The following SAMD11 variants were observed in gnomAD, a reference collection of about 807,000 sequenced individuals.
SAMD11 encodes the protein sterile alpha motif domain containing 11, also known as sterile alpha motif domain-containing protein 11.
In SAMD11, 77 loss-of-function variants were observed where a neutral mutation model predicts 64.4. That is an observed-to-expected ratio of 1.20 (90% CI 0.99 to 1.44). The LOEUF (loss-of-function observed/expected upper bound fraction) is 1.44. SAMD11 is among the 40% of genes most tolerant of loss of function. SAMD11 has a pLI of 0.00. For synonymous variants in SAMD11, 658 were observed against 421.9 expected (o/e 1.56, Z -6.86); for missense variants, 1,402 against 943.3 (o/e 1.49, Z -6.37).
In SAMD11 at chr1:944,532, A is replaced by C; in HGVS notation, c.*379A>C. ...CCAGCCCAGCCCAGCCCAGCTCTCG[A>C]TACGTTTGGTCTTTCATGCTGAAAA... On this transcript the variant is annotated 3_prime_UTR_variant, in exon 14 of 14. Coordinates refer to ENST00000616016, the MANE Select transcript of SAMD11 (RefSeq NM_001385641.1). 1.6e-6 allele frequency: 1 copy of C among 623,478 alleles called. No homozygotes were observed. The highest frequency in any genetic ancestry group is 2.7e-6 in the Non-Finnish European group (1 of 368,302). The allele number at this position is 623,478 out of a possible 1,614,324, so 38.6% of individuals were successfully genotyped here.
rs1042077861 is a variant in SAMD11 at position 942,549 on chromosome 1, C to T, written c.1554-10C>T. On this transcript the variant is annotated splice_polypyrimidine_tract_variant and intron_variant, in intron 10 of 13. Coordinates refer to ENST00000616016, the MANE Select transcript of SAMD11 (RefSeq NM_001385641.1). ...GGGAGGCGGCTGACCCGCGTCTGCC[C>T]CCGGCCCAGGCTGGAGCTGCCCGCC... is the stretch of plus-strand genomic sequence containing the variant. The T allele has an allele frequency of 1.0e-5, 14 of 1,403,736 alleles. No homozygotes were observed. The African/African-American group carries it at 2.1e-4, about 21-fold the overall frequency. The allele number at this position is 1,403,736 out of a possible 1,614,324, so 87.0% of individuals were successfully genotyped here.
Position 944,227 on chromosome 1 carries a change from C to G in SAMD11, c.*74C>G. On this transcript the variant is annotated 3_prime_UTR_variant, in exon 14 of 14. Coordinates refer to ENST00000616016, the MANE Select transcript of SAMD11 (RefSeq NM_001385641.1). ...CTCAACACAATGGCCCTGCCTCCCA[C>G]CGCTTTATTTCTTTCGGTTTCGGAT... 1.4e-6 allele frequency: 2 copies of G among 1,466,928 alleles called. No individual in the cohort carries two copies. The highest frequency in any genetic ancestry group is 1.8e-6 in the Non-Finnish European group (2 of 1,110,294). 90.9% of individuals were successfully genotyped at this position (1,466,928 alleles called of 1,614,324 possible).
chr1:941,929 C>T (rs557110225), intron 8 of SAMD11, among the ~76,000 whole-genome samples: 1 of 152,182 alleles, frequency 6.6e-6, no homozygotes, highest in Admixed American at 6.5e-5. Flanking sequence ...GCCGTCGCCG[C>T]CCGCCGGGTC....
rs944675920 is a variant in SAMD11 at position 944,162 on chromosome 1, G to C, written c.*9G>C. On this transcript the variant is annotated 3_prime_UTR_variant, in exon 14 of 14. Transcript: ENST00000616016. ...CCCAGCCTCTGTGTTGAGGTTGCCG[G>C]GGGTAGGGGTGGGGCCACACAAATC... 4 of 1,535,224 alleles carry C rather than the reference G, an allele frequency of 2.6e-6. No individual in the cohort carries two copies. Among genetic ancestry groups the C allele is most frequent in the Admixed American group, 2.0e-5 (1 of 49,728 alleles).
At position 944,483 on chromosome 1, in the gene SAMD11, A is replaced by G; in HGVS notation, c.*330A>G. 1.5e-6 allele frequency: 1 copy of G among 685,276 alleles called. No individual in the cohort carries two copies. The highest frequency in any genetic ancestry group is 2.3e-6 in the Non-Finnish European group (1 of 432,288). The allele number at this position is 685,276 out of a possible 1,614,324, so 42.4% of individuals were successfully genotyped here. On this transcript the variant is annotated 3_prime_UTR_variant, in exon 14 of 14. Coordinates refer to ENST00000616016, the MANE Select transcript of SAMD11 (RefSeq NM_001385641.1). ...CGCGGAGCTGACTTCAGCAGCCCACAGCTGTGGGGCTTCAGCAGCCACACC... is the reference window on the plus strand; with the variant it reads ...CGCGGAGCTGACTTCAGCAGCCCACGGCTGTGGGGCTTCAGCAGCCACACC...
intron 2 of SAMD11, among the ~76,000 whole-genome samples, chr1:926,428 A>G (rs13302982): frequency 0.79 from 119,858 of 152,190 alleles, 51,605 homozygotes; most frequent in Non-Finnish European, 0.97. Flanking sequence ...GGACGACAGC[A>G]TTTTGGGGAG....
chr1:928,297 C>A (rs1276794947), intron 2 of SAMD11, among the ~76,000 whole-genome samples: 4 of 152,186 alleles, frequency 2.6e-5, no homozygotes, highest in East Asian at 1.9e-4. Flanking sequence ...GAGGCTGAGG[C>A]AGGAGAATGG....
chr1:932,988 G>C (rs1283737741), intron 4 of SAMD11, among the ~76,000 whole-genome samples: 2 of 152,182 alleles, frequency 1.3e-5, no homozygotes, highest in Non-Finnish European at 2.9e-5. Context: ...TGGGCAGCTG[G>C]GGTCACACCT....
At position 930,279 on chromosome 1, in the gene SAMD11, G is replaced by A; in HGVS notation, c.734G>A (p.Gly245Glu). 2 of 1,608,946 alleles carry A rather than the reference G, an allele frequency of 1.2e-6. No homozygotes were observed. Among genetic ancestry groups the A allele is most frequent in the Non-Finnish European group, 1.7e-6 (2 of 1,178,150 alleles). Residue 245 changes from glycine to glutamate, a missense_variant, in exon 3 of 14, where the codon GGG (glycine) becomes GAG (glutamate). Transcript: ENST00000616016. ...AGCGACGGGAGTGGCCCCACCTGTG[G>A]GCGGCGGCCAGGCTTGAAGCAGGAG... ...GDSDGSGPTC[G>E]RRPGLKQEDG...
chr1:943,533 T>C (rs1641950720), intron 12 of SAMD11, among the ~76,000 whole-genome samples, 156 bp downstream of exon 12: 1 of 148,016 alleles, frequency 6.8e-6, no homozygotes, highest in East Asian at 2.0e-4. Context: ...CACCTTTTTT[T>C]TTTTTTTTTT....
intron 1 of SAMD11, 52 bp from the exon 2 acceptor site, chr1:925,870 C>CGT: frequency 7.4e-7 from 1 of 1,356,538 alleles, no homozygotes; most frequent in South Asian, 1.2e-5. Flanking sequence ...CCGCTGACTG[C>CGT]GCGCAGAAGC....
intron 4 of SAMD11, among the ~76,000 whole-genome samples, chr1:932,729 G>A (rs559973465): frequency 6.6e-6 from 1 of 152,356 alleles, no homozygotes; most frequent in Non-Finnish European, 1.5e-5. Context: ...CCACCCATCT[G>A]TCCGTCTGTC....
intron 7 of SAMD11, 23 bp downstream of exon 7, chr1:939,435 T>G: frequency 1.4e-6 from 2 of 1,438,374 alleles, no homozygotes; most frequent in Non-Finnish European, 1.9e-6. Context: ...CCTGGCATGA[T>G]CCCCCTCATC....
intron 7 of SAMD11, chr1:940,293 G>GCCCC: frequency 2.7e-5 from 1 of 37,012 alleles, no homozygotes; most frequent in Admixed American, 3.4e-4. Context: ...AGGCCGCGCC[G>GCCCC]CCGCCCCCCC....
intron 3 of SAMD11, among the ~76,000 whole-genome samples, chr1:930,723 T>C (rs1412183890): frequency 1.3e-5 from 2 of 152,224 alleles, no homozygotes; most frequent in Non-Finnish European, 2.9e-5. Context: ...GGCCCCCACC[T>C]GCGGTACAAC....
chr1:926,011 G>C lies in SAMD11; in HGVS notation c.607G>C (p.Val203Leu). 6.2e-7 allele frequency: 1 copy of C among 1,611,350 alleles called. No individual in the cohort carries two copies. Among genetic ancestry groups the C allele is most frequent in the African/African-American group, 1.3e-5 (1 of 75,078 alleles). ...DCPGCRISSPVNRGRLADKRT... is the reference protein window; with the variant it reads ...DCPGCRISSPLNRGRLADKRT... ...CCCGGGCTGCCGAATATCCTCCCCGGTGGTGAGATGCGGGGCTCGGTTGGG... is the reference window on the plus strand; with the variant it reads ...CCCGGGCTGCCGAATATCCTCCCCGCTGGTGAGATGCGGGGCTCGGTTGGG... Residue 203 changes from valine to leucine, a missense_variant and splice_region_variant, in exon 2 of 14, where the codon GTG becomes CTG. Transcript: ENST00000616016.
intron 3 of SAMD11, 49 bp downstream of exon 3, chr1:930,385 G>T: frequency 6.5e-7 from 1 of 1,531,734 alleles, no homozygotes; most frequent in East Asian, 2.4e-5. Flanking sequence ...AGATGGGGCT[G>T]GAGCTTCAGG....
Position 942,243 on chromosome 1 carries a change from A to G in SAMD11, c.1466A>G (p.Gln489Arg). ...CTGGGGGTGCCCTCGGCTCTGTGCC[A>G]GACCCCAGGTGAGGAGGCGGGTGCG... The part of the protein sequence containing the change: ...PFLGVPSALC[Q>R]TPGYGFLPPA... The change falls in exon 9 of 14, where the codon CAG (glutamine) becomes CGG (arginine). Residue 489 changes from glutamine to arginine, a missense_variant. By Grantham distance (43) the Gln-to-Arg change is conservative. Coordinates refer to ENST00000616016, the MANE Select transcript of SAMD11 (RefSeq NM_001385641.1). 1.5e-6 allele frequency: 2 copies of G among 1,315,430 alleles called. No homozygotes were observed. The highest frequency in any genetic ancestry group is 2.0e-6 in the Non-Finnish European group (2 of 1,013,104). The allele number at this position is 1,315,430 out of a possible 1,614,324, so 81.5% of individuals were successfully genotyped here. A position where few individuals can be genotyped will look rare whatever the true frequency, so the allele number is the denominator to read the frequency against.
rs1292186832 is a variant in SAMD11, at chr1:930,940, G to A, written c.792-99G>A. On this transcript the variant is annotated intron_variant, in intron 3 of 13. Transcript: ENST00000616016. ...CACTGCCCAGGGCTGTGGCCCAGCGGGGCACTGACCCGAGACAGGTCTGCG... is the reference window on the plus strand; with the variant it reads ...CACTGCCCAGGGCTGTGGCCCAGCGAGGCACTGACCCGAGACAGGTCTGCG... 7.4e-6 allele frequency: 9 copies of A among 1,211,280 alleles called. No homozygotes were observed. In the African/African-American group the frequency reaches 1.2e-4, roughly 16 times the overall value. 75.0% of individuals were successfully genotyped at this position (1,211,280 alleles called of 1,614,324 possible).
Sources: gnomAD v4.1 joint callset for allele counts (sites outside exome capture counted in the v4.1 genomes callset) on GRCh38, gnomAD v4.1.1 for gene constraint, MANE v1.5 for transcripts, NCBI Gene and HGNC (gene_info 2026-07-23, HGNC 2026-07-21) for gene names.